GAS2: variants seen among roughly 807,000 people sequenced by gnomAD.
GAS2 encodes growth arrest-specific protein 2.
GAS2 carries 20 observed loss-of-function variants against 37.5 expected under a neutral mutation model. The ratio of observed to expected loss-of-function variants is 0.53; its 90% CI spans 0.37 to 0.77. The LOEUF (loss-of-function observed/expected upper bound fraction) is 0.77. Ranked by LOEUF, GAS2 falls within the 30% of genes least tolerant of loss-of-function variation. The pLI is 0.00. For missense variants in GAS2, 336 were observed against 373.4 expected (o/e 0.90, Z 0.82); for synonymous variants, 144 against 132.2 (o/e 1.09, Z -0.61).
upstream of GAS2, among the ~76,000 whole-genome samples, chr11:22,664,460 G>A (rs1034851569): frequency 1.3e-5 from 2 of 152,098 alleles, no homozygotes; most frequent in Non-Finnish European, 1.5e-5. Flanking sequence ...GAAATTTCCC[G>A]TGTTAAAGTC....
rs1436759202 is a variant in GAS2, at chr11:22,812,152, T to C, written c.*136T>C. 1.5e-6 allele frequency: 1 copy of C among 648,062 alleles called. No individual in the cohort carries two copies. The highest frequency in any genetic ancestry group is 2.8e-5 in the Admixed American group (1 of 35,844). 40.1% of individuals were successfully genotyped at this position (648,062 alleles called of 1,614,324 possible). A position where few individuals can be genotyped will look rare whatever the true frequency, so the allele number is the denominator to read the frequency against. On this transcript the variant is annotated 3_prime_UTR_variant, in exon 8 of 8. Coordinates refer to ENST00000454584, the MANE Select transcript of GAS2 (RefSeq NM_001143830.3). Reference sequence around the variant, plus strand: ...AAAATGTCATCATATTGAAAAATGTTCAAAGAGTAGCACTATTTATTTTTA... The same window carrying C: ...AAAATGTCATCATATTGAAAAATGTCCAAAGAGTAGCACTATTTATTTTTA...
intron 1 of GAS2, among the ~76,000 whole-genome samples, chr11:22,632,523 C>T (rs79691088): frequency 0.015 from 2,239 of 152,212 alleles, 51 homozygotes; most frequent in African/African-American, 0.051. Context: ...ATGACTTTAG[C>T]TCTTGGTGTT....
At position 22,640,866 on chromosome 11, in the gene GAS2, T is replaced by C. The variant is rs117915117; in HGVS notation, c.-21+15053T>C. On this transcript the variant is annotated intron_variant, in intron 1 of 5. Coordinates refer to the GAS2 transcript ENST00000528582. ...CTCTAACACAGGCATTCTAACACTA[T>C]TAGCTAAGAAAAGGGGGCAAAAGAA... 8.0e-4 allele frequency among the ~76,000 whole-genome samples: 122 copies of C among 152,258 alleles called. 3 individuals are homozygous for C. The East Asian group carries it at 0.023, about 28-fold the overall frequency.
intron 7 of GAS2, among the ~76,000 whole-genome samples, chr11:22,780,200 G>A (rs1169428052): frequency 6.6e-6 from 1 of 152,156 alleles, no homozygotes; most frequent in African/African-American, 2.4e-5. Flanking sequence ...ACTAGCTAGG[G>A]TTGAGATTAG....
intron 3 of GAS2, among the ~76,000 whole-genome samples, chr11:22,705,104 G>A (rs775994376): frequency 1.9e-3 from 290 of 152,168 alleles, no homozygotes; most frequent in Non-Finnish European, 3.8e-3. Flanking sequence ...AACTTTCTTG[G>A]AGAAAAAGCC....
At chr11:22,680,967 A>G (rs1849652078) in intron 2 of GAS2, among the ~76,000 whole-genome samples, 1 of 152,208 alleles carries the variant, frequency 6.6e-6, no homozygotes, top group African/African-American at 2.4e-5. Flanking sequence ...ATATAATAAT[A>G]GCACCCACTT....
At chr11:22,745,571 T>A (rs1853350725) in intron 5 of GAS2, among the ~76,000 whole-genome samples, 1 of 151,964 alleles carries the variant, frequency 6.6e-6, no homozygotes. Context: ...CAAAAGCAAT[T>A]GCAACGAAAA....
chr11:22,778,022 A>G (rs1173157097), intron 7 of GAS2, among the ~76,000 whole-genome samples: 2 of 152,180 alleles, frequency 1.3e-5, no homozygotes, highest in African/African-American at 4.8e-5. Flanking sequence ...GGTAGACTTA[A>G]TTGGCTATTA....
intron 4 of GAS2, among the ~76,000 whole-genome samples, chr11:22,732,014 G>C (rs1236901903): frequency 1.3e-5 from 2 of 151,692 alleles, no homozygotes; most frequent in Non-Finnish European, 3.0e-5. Context: ...AGATGCAGGA[G>C]GGAGCAGTTA....
chr11:22,685,710 A>G lies in GAS2; in HGVS notation c.188A>G (p.Asn63Ser), dbSNP rs1207009974. 4.3e-6 allele frequency: 7 copies of G among 1,613,724 alleles called. No homozygotes were observed. The highest frequency in any genetic ancestry group is 1.3e-5 in the African/African-American group (1 of 74,912). ...TAETFMEKLD[N>S]GALLCQLAET... ...GAAACTTTTATGGAGAAGTTGGACA[A>G]TGGTGCCTTGCTCTGTCAACTTGCA... is the stretch of plus-strand genomic sequence containing the variant. Residue 63 changes from asparagine (N) to serine (S), a missense_variant, in exon 3 of 8, where the codon AAT (asparagine) becomes AGT (serine). Coordinates refer to ENST00000454584, the MANE Select transcript of GAS2 (RefSeq NM_001143830.3).
In GAS2 at chr11:22,795,943, A is replaced by G. The variant is rs183815398; in HGVS notation, c.724-15855A>G. Among the ~76,000 whole-genome samples the G allele has an allele frequency of 2.6e-3, 395 of 152,260 alleles. 3 individuals carry two copies. The highest frequency in any genetic ancestry group is 8.9e-3 in the African/African-American group (369 of 41,564). On this transcript the variant is annotated intron_variant, in intron 7 of 7. Transcript: ENST00000454584. ...ATGGTGAGAACAGATTGCATTTTAG[A>G]TGTATTTTTCCTCCAATATTTTACT...
At chr11:22,673,646 C>G (rs1849294041) in intron 1 of GAS2, among the ~76,000 whole-genome samples, 1 of 152,182 alleles carries the variant, frequency 6.6e-6, no homozygotes, top group Non-Finnish European at 1.5e-5. Flanking sequence ...TGGCTCAACG[C>G]CTGTAATCCC....
intron 2 of GAS2, among the ~76,000 whole-genome samples, chr11:22,675,804 A>G (rs1245052543): frequency 1.3e-5 from 2 of 152,096 alleles, no homozygotes; most frequent in Admixed American, 6.6e-5. Flanking sequence ...TGCAGGGGAG[A>G]TTTCATCAAC....
At chr11:22,686,039 T>C (rs1376524823) in intron 3 of GAS2, among the ~76,000 whole-genome samples, 2 of 152,186 alleles carry the variant, frequency 1.3e-5, no homozygotes, top group African/African-American at 2.4e-5. Context: ...AAGAGTATTG[T>C]GTATAAACTC....
rs548623668 is a variant in GAS2, at chr11:22,768,319, T to C, written c.723+12366T>C. Among the ~76,000 whole-genome samples the C allele has an allele frequency of 7.2e-5, 11 of 152,350 alleles. No individual in the cohort carries two copies. The South Asian group carries it at 2.3e-3, about 32-fold the overall frequency. ...ACAAAAGCCCTGGCAAGGTATTTAA[T>C]GGCATTTTGTCTATTTCTTTAAACA... On this transcript the variant is annotated intron_variant, in intron 7 of 7. Transcript: ENST00000454584.
At chr11:22,653,692 C>T (rs969410874) in intron 1 of GAS2, among the ~76,000 whole-genome samples, 2 of 151,912 alleles carry the variant, frequency 1.3e-5, no homozygotes, top group Admixed American at 6.6e-5. Context: ...AGAAAAGAAG[C>T]TTCAAATAGT....
intron 2 of GAS2, among the ~76,000 whole-genome samples, chr11:22,684,040 C>G (rs1249718046): frequency 6.6e-6 from 1 of 152,100 alleles, no homozygotes; most frequent in Admixed American, 6.6e-5. Context: ...TAGAACTTGT[C>G]CAAGGAGGTA....
At chr11:22,692,651 A>G (rs904034174) in intron 3 of GAS2, among the ~76,000 whole-genome samples, 4 of 152,190 alleles carry the variant, frequency 2.6e-5, no homozygotes, top group African/African-American at 7.2e-5. Flanking sequence ...TCAGAGGTAT[A>G]ACTTTGAATA....
intron 1 of GAS2, among the ~76,000 whole-genome samples, chr11:22,645,949 T>G (rs1392317330): frequency 6.6e-6 from 1 of 151,550 alleles, no homozygotes; most frequent in Non-Finnish European, 1.5e-5. Context: ...GTTCAAGCCA[T>G]TCTCCTGCCT....
Sources: gnomAD v4.1 joint callset for allele counts (sites outside exome capture counted in the v4.1 genomes callset) on GRCh38, gnomAD v4.1.1 for gene constraint, MANE v1.5 for transcripts, NCBI Gene and HGNC (gene_info 2026-07-23, HGNC 2026-07-21) for gene names.